The following GPC5 variants were observed in gnomAD, a reference collection of about 807,000 sequenced individuals.
GPC5 encodes glypican 5, also known as glypican-5.
GPC5 carries 47 observed loss-of-function variants against 53.9 expected under a neutral mutation model. The ratio of observed to expected loss-of-function variants is 0.87; its 90% CI spans 0.69 to 1.11. The LOEUF is 1.11. Ranked by LOEUF, GPC5 falls within the 50% of genes most tolerant of loss-of-function variation. The pLI is 0.00. For synonymous variants in GPC5, 286 were observed against 263.3 expected (o/e 1.09, Z -0.84); for missense variants, 748 against 713.1 (o/e 1.05, Z -0.56).
chr13:91,614,384 G>A (rs9652103), intron 2 of GPC5, among the ~76,000 whole-genome samples: 60,246 of 151,964 alleles, frequency 0.4, 13,308 homozygotes, highest in African/African-American at 0.61. Context: ...CTGGACTGCA[G>A]TGGCATGATC....
intron 7 of GPC5, among the ~76,000 whole-genome samples, chr13:92,416,477 T>C (rs758856802): frequency 4.6e-5 from 7 of 152,208 alleles, no homozygotes; most frequent in African/African-American, 7.2e-5. Context: ...GGAGATAGAA[T>C]AGTCTTTTCA....
chr13:91,434,318 G>T (rs962064891), intron 1 of GPC5, among the ~76,000 whole-genome samples: 1 of 151,880 alleles, frequency 6.6e-6, no homozygotes, highest in Non-Finnish European at 1.5e-5. Flanking sequence ...TTTCTTCTAG[G>T]GTTTTTATGG....
chr13:91,570,018 T>C (rs1289861316), intron 2 of GPC5, among the ~76,000 whole-genome samples: 1 of 152,134 alleles, frequency 6.6e-6, no homozygotes, highest in Non-Finnish European at 1.5e-5. Flanking sequence ...TAAGTGAAGG[T>C]TTGTAATTTT....
At chr13:92,310,035 C>T (rs932849786) in intron 7 of GPC5, among the ~76,000 whole-genome samples, 2 of 152,040 alleles carry the variant, frequency 1.3e-5, no homozygotes, top group Non-Finnish European at 1.5e-5. Flanking sequence ...ATTTTGCTTA[C>T]CATGATGTCC....
At chr13:92,020,001 T>A (rs72633789) in intron 6 of GPC5, among the ~76,000 whole-genome samples, 4,275 of 152,144 alleles carry the variant, frequency 0.028, 139 homozygotes, top group African/African-American at 0.08. Flanking sequence ...AGGGCTATGT[T>A]TATTTCCAGA....
chr13:91,672,822 G>A (rs1307975016), intron 2 of GPC5, among the ~76,000 whole-genome samples: 1 of 152,146 alleles, frequency 6.6e-6, no homozygotes, highest in African/African-American at 2.4e-5. Context: ...GCAAAGACAT[G>A]GAACTAACCC....
chr13:91,482,515 C>A (rs1467793819), intron 2 of GPC5, among the ~76,000 whole-genome samples: 1 of 152,170 alleles, frequency 6.6e-6, no homozygotes, highest in Non-Finnish European at 1.5e-5. Flanking sequence ...AATCTAGCAA[C>A]CATCATTTAG....
chr13:92,660,843 C>T (rs559975982), intron 7 of GPC5, among the ~76,000 whole-genome samples: 43 of 152,130 alleles, frequency 2.8e-4, no homozygotes, highest in African/African-American at 1.0e-3. Flanking sequence ...CCACATATAG[C>T]TATTCAGCTC....
At chr13:92,387,834 G>T (rs1328610657) in intron 7 of GPC5, among the ~76,000 whole-genome samples, 1 of 151,992 alleles carries the variant, frequency 6.6e-6, no homozygotes, top group East Asian at 1.9e-4. Context: ...TAACTCAAAC[G>T]GTTGTTTTGA....
chr13:91,793,559 G>A (rs534752683), intron 5 of GPC5, among the ~76,000 whole-genome samples: 1 of 152,138 alleles, frequency 6.6e-6, no homozygotes, highest in African/African-American at 2.4e-5. Context: ...GAAAAGCATA[G>A]CACATTTAAA....
At chr13:92,520,543 C>A (rs1200502165) in intron 7 of GPC5, among the ~76,000 whole-genome samples, 1 of 152,142 alleles carries the variant, frequency 6.6e-6, no homozygotes, top group Non-Finnish European at 1.5e-5. Flanking sequence ...ATGATTGTCT[C>A]AATAGATGCA....
At chr13:92,589,088 T>G (rs769416659) in intron 7 of GPC5, among the ~76,000 whole-genome samples, 1 of 152,166 alleles carries the variant, frequency 6.6e-6, no homozygotes, top group Non-Finnish European at 1.5e-5. Context: ...ATTCTTCAAC[T>G]CAGTGAAGTA....
chr13:92,450,792 GTC>G (rs1225294172), intron 7 of GPC5, among the ~76,000 whole-genome samples: 1 of 152,202 alleles, frequency 6.6e-6, no homozygotes, highest in East Asian at 1.9e-4. Context: ...TTCCGGAAGA[GTC>G]TCTGTGTCTC....
chr13:91,596,003 T>A (rs1189618135), intron 2 of GPC5, among the ~76,000 whole-genome samples: 2 of 152,242 alleles, frequency 1.3e-5, no homozygotes, highest in Non-Finnish European at 2.9e-5. Flanking sequence ...GTAGTTCAAG[T>A]ATTTCTTGCT....
chr13:91,807,635 G>A (rs551323123), intron 5 of GPC5, among the ~76,000 whole-genome samples: 1 of 152,192 alleles, frequency 6.6e-6, no homozygotes, highest in African/African-American at 2.4e-5. Flanking sequence ...CTTAATTACG[G>A]GTGATAATAG....
At chr13:92,157,754 G>A (rs2041956138) in intron 7 of GPC5, among the ~76,000 whole-genome samples, 1 of 152,048 alleles carries the variant, frequency 6.6e-6, no homozygotes, top group African/African-American at 2.4e-5. Context: ...CCTCTTTTGT[G>A]AATTTATTCC....
At chr13:92,856,841 G>A (rs1879017772) in intron 7 of GPC5, among the ~76,000 whole-genome samples, 1 of 151,714 alleles carries the variant, frequency 6.6e-6, no homozygotes, top group South Asian at 2.1e-4. Flanking sequence ...ATGACACAAA[G>A]GGGGAAACAT....
At chr13:91,862,087 G>A (rs2039036164) in intron 5 of GPC5, among the ~76,000 whole-genome samples, 1 of 151,938 alleles carries the variant, frequency 6.6e-6, no homozygotes, top group Non-Finnish European at 1.5e-5. Context: ...GATAAAAAAA[G>A]TATTTTCTGT....
chr13:91,993,380 C>T (rs1456944461), intron 6 of GPC5, among the ~76,000 whole-genome samples: 1 of 151,830 alleles, frequency 6.6e-6, no homozygotes, highest in African/African-American at 2.4e-5. Flanking sequence ...CTCCAGAAAT[C>T]AACCCTGAAT....
Sources: allele counts gnomAD v4.1 joint callset (sites outside exome capture counted in the v4.1 genomes callset), GRCh38; gene constraint gnomAD v4.1.1; transcripts MANE v1.5; gene names NCBI Gene and HGNC (gene_info 2026-07-23, HGNC 2026-07-21).